DHX57: variants seen among roughly 807,000 people sequenced by gnomAD.
DHX57 encodes DExH-box helicase 57.
DHX57 carries 105 observed loss-of-function variants against 156.2 expected under a neutral mutation model. The ratio of observed to expected loss-of-function variants is 0.67; its 90% CI spans 0.57 to 0.79. The LOEUF (loss-of-function observed/expected upper bound fraction) is 0.79. Ranked by LOEUF, DHX57 falls within the 30% of genes least tolerant of loss-of-function variation. DHX57 has a pLI of 0.00. For synonymous variants in DHX57, 704 were observed against 595.6 expected (o/e 1.18, Z -2.65); for missense variants, 1,847 against 1,661.9 (o/e 1.11, Z -1.94).
At chr2:38,812,672 T>C (rs945247770) in intron 21 of DHX57, among the ~76,000 whole-genome samples, 2 of 152,194 alleles carry the variant, frequency 1.3e-5, no homozygotes, top group African/African-American at 4.8e-5. Flanking sequence ...TAGCTGGGAT[T>C]ACAGGCATGC....
intron 12 of DHX57, chr2:38,838,849 C>G (rs761908528): frequency 2.2e-6 from 1 of 452,590 alleles, no homozygotes; most frequent in Non-Finnish European, 4.4e-6. Context: ...AATCTCCCCA[C>G]TCACAATCTC....
At chr2:38,818,766 C>T in intron 19 of DHX57, 111 bp downstream of exon 19, 7 of 1,251,130 alleles carry the variant, frequency 5.6e-6, no homozygotes, top group Non-Finnish European at 7.9e-6. Flanking sequence ...CAAACATATT[C>T]CAGAAATAAC....
intron 5 of DHX57, among the ~76,000 whole-genome samples, chr2:38,860,320 G>A (rs4133043): frequency 0.54 from 81,385 of 151,924 alleles, 23,310 homozygotes; most frequent in East Asian, 0.81. Flanking sequence ...GTGGTGGCGG[G>A]TGCCTGTAAT....
chr2:38,827,919 T>G (rs1430860243), intron 14 of DHX57, among the ~76,000 whole-genome samples: 1 of 152,094 alleles, frequency 6.6e-6, no homozygotes, highest in Non-Finnish European at 1.5e-5. Context: ...CGCAATGGTG[T>G]GATCTCAGCT....
At chr2:38,866,834 G>A (rs756493157) in intron 2 of DHX57, among the ~76,000 whole-genome samples, 2 of 152,208 alleles carry the variant, frequency 1.3e-5, no homozygotes, top group Non-Finnish European at 2.9e-5. Flanking sequence ...GCCAAGGCAG[G>A]AGAATCGCTT....
At chr2:38,868,761 C>T (rs1482961994) in intron 1 of DHX57, among the ~76,000 whole-genome samples, 6 of 152,082 alleles carry the variant, frequency 3.9e-5, no homozygotes, top group Admixed American at 3.9e-4. Flanking sequence ...CATGTCTAGG[C>T]TTTAATCCTA....
Position 38,854,114 on chromosome 2 carries a change from G to A in DHX57, c.1970C>T (p.Thr657Ile), listed in dbSNP as rs934206326. The change falls in exon 9 of 24, where the codon ACA becomes ATA. Residue 657 changes from threonine to isoleucine, a missense_variant. By Grantham distance (89) the Thr-to-Ile change is moderately conservative (BLOSUM62 -1). Coordinates refer to ENST00000457308, the MANE Select transcript of DHX57 (RefSeq NM_198963.3). ...GATATGGGAAACTCCTTGTAGAGCT[G>A]TATCTCCTTCTAGCCTTCTCAGCAG... ...GVLLRRLEGD[T>I]ALQGVSHIIV... The A allele has an allele frequency of 1.9e-6, 3 of 1,613,854 alleles. No homozygotes were observed. Among genetic ancestry groups the A allele is most frequent in the Non-Finnish European group, 2.5e-6 (3 of 1,179,938 alleles).
chr2:38,868,865 G>A (rs186277642), intron 1 of DHX57, among the ~76,000 whole-genome samples: 1 of 151,988 alleles, frequency 6.6e-6, no homozygotes, highest in Non-Finnish European at 1.5e-5. Context: ...CAGGCCGGAT[G>A]ATCTCAGCTC....
At chr2:38,845,819 G>T (rs72911299) in intron 11 of DHX57, among the ~76,000 whole-genome samples, 3,899 of 151,500 alleles carry the variant, frequency 0.026, 91 homozygotes, top group African/African-American at 0.063. Context: ...AGGCTATACT[G>T]CAAACTCTAT....
chr2:38,827,241 G>C (rs1671133144), intron 14 of DHX57, among the ~76,000 whole-genome samples: 1 of 151,804 alleles, frequency 6.6e-6, no homozygotes, highest in Non-Finnish European at 1.5e-5. Context: ...TGGGAAAAAT[G>C]TTGGAGTGTA....
At chr2:38,857,952 G>A (rs368623925) in intron 6 of DHX57, among the ~76,000 whole-genome samples, 2 of 152,132 alleles carry the variant, frequency 1.3e-5, no homozygotes, top group Non-Finnish European at 2.9e-5. Flanking sequence ...ATGTTTTCCA[G>A]GCTGGCATTG....
chr2:38,814,660 T>C (rs770721511), intron 20 of DHX57, among the ~76,000 whole-genome samples: 4 of 152,072 alleles, frequency 2.6e-5, no homozygotes, highest in Non-Finnish European at 4.4e-5. Context: ...CTATCTCTTA[T>C]GAATTTATCA....
In DHX57 at chr2:38,848,413, T is replaced by C. The variant is rs1367284791; in HGVS notation, c.2031-11A>G. 2 of 1,576,644 alleles carry C rather than the reference T, an allele frequency of 1.3e-6. No individual in the cohort carries two copies. Among genetic ancestry groups the C allele is most frequent in the South Asian group, 2.4e-5 (2 of 83,336 alleles). On this transcript the variant is annotated splice_polypyrimidine_tract_variant and intron_variant, in intron 9 of 23. Transcript: ENST00000457308. ...AGCAGCAAGAAGTCACTAGAGAAAA[T>C]AAAAGAAACACCTGAGGATCAAACA...
intron 23 of DHX57, among the ~76,000 whole-genome samples, chr2:38,800,162 G>A (rs572023556): frequency 7.4e-5 from 11 of 147,998 alleles, no homozygotes; most frequent in African/African-American, 2.2e-4. Flanking sequence ...TTCAGCCTGG[G>A]CAACAAGAGC....
chr2:38,873,897 C>T (rs1285734369), intron 1 of DHX57, among the ~76,000 whole-genome samples: 5 of 151,862 alleles, frequency 3.3e-5, no homozygotes, highest in African/African-American at 4.8e-5. Flanking sequence ...AAAGGACATC[C>T]GGAAGAAATT....
At chr2:38,807,945 C>CTTTTTTT (rs34221239) in intron 21 of DHX57, among the ~76,000 whole-genome samples, 1 of 54,254 alleles carries the variant, frequency 1.8e-5, no homozygotes. Context: ...TGTGTCTTGC[C>CTTTTTTT]TTTTTTTTTT....
At chr2:38,854,241 G>T in intron 8 of DHX57, 63 bp from the exon 9 acceptor site, 1 of 1,553,100 alleles carries the variant, frequency 6.4e-7, no homozygotes, top group Non-Finnish European at 8.7e-7. Flanking sequence ...AACATTACTG[G>T]AAAGCCATTT....
intron 3 of DHX57, 188 bp downstream of exon 3, chr2:38,863,173 T>C (rs149445056): frequency 9.8e-6 from 6 of 609,812 alleles, no homozygotes; most frequent in Admixed American, 6.8e-5. Context: ...CCCATGGATG[T>C]TGCAAAACAA....
intron 2 of DHX57, among the ~76,000 whole-genome samples, chr2:38,865,362 CT>C (rs1194611760): frequency 1.3e-5 from 2 of 152,144 alleles, no homozygotes; most frequent in Non-Finnish European, 2.9e-5. Context: ...GGGTGTCCCC[CT>C]TTACTTGGCT....
Sources: allele counts gnomAD v4.1 joint callset (sites outside exome capture counted in the v4.1 genomes callset), GRCh38; gene constraint gnomAD v4.1.1; transcripts MANE v1.5; gene names NCBI Gene and HGNC (gene_info 2026-07-23, HGNC 2026-07-21).